Variants in SORCS1 observed in about 807,000 individuals in gnomAD.
The protein encoded by SORCS1 is sortilin related VPS10 domain containing receptor 1, also known as VPS10 domain-containing receptor SorCS1.
In SORCS1, 60 loss-of-function variants were observed where a neutral mutation model predicts 146.1. That is an observed-to-expected ratio of 0.41 (90% confidence interval 0.33 to 0.51). SORCS1 has a LOEUF of 0.51. SORCS1 is among the 20% of genes least tolerant of loss of function. The pLI, the probability that SORCS1 is intolerant of heterozygous loss-of-function variation, is 0.21. For missense variants in SORCS1, 1,352 were observed against 1,487.6 expected, an observed-to-expected ratio of 0.91 and a Z score of 1.50; for synonymous variants, 637 against 584.0, an observed-to-expected ratio of 1.09 and a Z score of -1.31.
intron 4 of SORCS1, among the ~76,000 whole-genome samples, chr10:106,772,228 A>G (rs556552407): frequency 2.6e-5 from 4 of 152,248 alleles, no homozygotes; most frequent in Admixed American, 2.6e-4. Context: ...TTGAGCTGGG[A>G]TATCCATCTG....
chr10:106,583,470 C>T (rs944991932), intron 24 of SORCS1, among the ~76,000 whole-genome samples: 22 of 152,164 alleles, frequency 1.4e-4, no homozygotes, highest in Admixed American at 6.5e-5. Flanking sequence ...ATGCCTCTCC[C>T]CAGGCACTGC....
At position 106,672,841 on chromosome 10, in the gene SORCS1, C is replaced by G. The variant is rs186630690; in HGVS notation, c.2058+27G>C. 4 of 1,590,176 alleles carry G rather than the reference C, an allele frequency of 2.5e-6. No individual in the cohort carries two copies. In the African/African-American group the frequency reaches 5.4e-5, roughly 21 times the overall value. On this transcript the variant is annotated intron_variant, in intron 15 of 25. Coordinates refer to ENST00000263054, the MANE Select transcript of SORCS1 (RefSeq NM_052918.5). The stretch of plus-strand genomic sequence containing the variant: ...ACACCACTCATGCTTCCTGCCCAGG[C>G]CTTAGTCTCAGTTCTTTTCCTCCTA...
intron 24 of SORCS1, among the ~76,000 whole-genome samples, chr10:106,579,907 C>T (rs554900458): frequency 8.0e-4 from 122 of 152,136 alleles, no homozygotes; most frequent in African/African-American, 1.9e-3. Flanking sequence ...TATTAGATTT[C>T]ATTTCTACTG....
At chr10:106,894,126 C>G (rs1589650118) in intron 2 of SORCS1, among the ~76,000 whole-genome samples, 1 of 152,166 alleles carries the variant, frequency 6.6e-6, no homozygotes, top group Non-Finnish European at 1.5e-5. Context: ...TCGTTTTTAT[C>G]TAATAACATT....
At chr10:106,838,716 T>G (rs1446655751) in intron 2 of SORCS1, among the ~76,000 whole-genome samples, 8 of 152,212 alleles carry the variant, frequency 5.3e-5, no homozygotes, top group African/African-American at 1.9e-4. Flanking sequence ...TTTGCAAACA[T>G]TACATTTTTT....
At chr10:107,121,095 C>T (rs139607123) in intron 1 of SORCS1, among the ~76,000 whole-genome samples, 1 of 152,246 alleles carries the variant, frequency 6.6e-6, no homozygotes, top group East Asian at 1.9e-4. Context: ...AAATTTATAA[C>T]ATGCAACTTA....
In SORCS1 at chr10:106,776,672, C is replaced by T. The variant is rs372520148; in HGVS notation, c.747G>A (p.Pro249=). Residue 249 remains proline (P), a synonymous_variant, in exon 4 of 26, where the codon CCG becomes CCA. Coordinates refer to ENST00000263054, the MANE Select transcript of SORCS1 (RefSeq NM_052918.5). ...TGATCAATAAACTGCTCTCAATCTC[C>T]GGGTCTGTGAGTAACATTATCTGCA... ...NKRKIMLLTD[P]EIESSLLISS... 7.5e-5 allele frequency: 121 copies of T among 1,613,324 alleles called. 3 individuals carry two copies. The South Asian group carries it at 1.1e-3, about 15-fold the overall frequency.
chr10:107,143,261 C>A (rs1056575980), intron 1 of SORCS1, among the ~76,000 whole-genome samples: 1 of 152,176 alleles, frequency 6.6e-6, no homozygotes, highest in African/African-American at 2.4e-5. Flanking sequence ...TGCTTTTCTT[C>A]CAAACTAAAA....
chr10:107,140,683 G>T (rs1249794803), intron 1 of SORCS1, among the ~76,000 whole-genome samples: 1 of 152,092 alleles, frequency 6.6e-6, no homozygotes, highest in Non-Finnish European at 1.5e-5. Flanking sequence ...AGTCCCATAA[G>T]AAATTGCTTT....
chr10:106,998,279 T>C (rs1232714464), intron 1 of SORCS1, among the ~76,000 whole-genome samples: 1 of 152,238 alleles, frequency 6.6e-6, no homozygotes, highest in Non-Finnish European at 1.5e-5. Flanking sequence ...CTCATGCCTT[T>C]GCAGTGTCAA....
chr10:106,850,988 G>C (rs1659174944), intron 2 of SORCS1, among the ~76,000 whole-genome samples: 1 of 152,096 alleles, frequency 6.6e-6, no homozygotes, highest in Admixed American at 6.5e-5. Flanking sequence ...TCTCTCACAT[G>C]CAATCCAACA....
intron 5 of SORCS1, among the ~76,000 whole-genome samples, chr10:106,759,900 T>C (rs1023815897): frequency 3.5e-5 from 4 of 113,662 alleles, no homozygotes; most frequent in Admixed American, 1.0e-4. Flanking sequence ...TAATGATATA[T>C]GCATAATAAA....
rs1454009985 is a variant in SORCS1, at chr10:106,620,457, A to C, written c.2767T>G (p.Tyr923Asp). The change falls in exon 20 of 26, where the codon TAC becomes GAC. Residue 923 changes from tyrosine (Y) to aspartate (D), a missense_variant. Around this residue, in one of 3 missense-constraint regions of SORCS1, gnomAD observed 648 missense variants for 793.8 expected, o/e 0.82. Coordinates refer to ENST00000263054, the MANE Select transcript of SORCS1 (RefSeq NM_052918.5). ...GTGTTGTTTCCGTACCACCACACGT[A>C]AGTGAGGGTGCCCACTTGGCTGGGC... ...LWPSQVGTLT[Y>D]VWWYGNNTEP... 6.2e-7 allele frequency: 1 copy of C among 1,613,904 alleles called. No individual in the cohort carries two copies.
chr10:107,043,424 C>T (rs190593419), intron 1 of SORCS1, among the ~76,000 whole-genome samples: 151 of 152,220 alleles, frequency 9.9e-4, no homozygotes, highest in African/African-American at 2.9e-3. Context: ...CCAGATAAAA[C>T]GATGCTCTTT....
chr10:106,585,240 G>A (rs938730700), intron 24 of SORCS1, among the ~76,000 whole-genome samples: 1 of 149,546 alleles, frequency 6.7e-6, no homozygotes, highest in Non-Finnish European at 1.5e-5. Context: ...AAAAAAAAAT[G>A]TATAGTCTTT....
chr10:107,084,455 C>T (rs1963610075), intron 1 of SORCS1, among the ~76,000 whole-genome samples: 1 of 151,764 alleles, frequency 6.6e-6, no homozygotes, highest in Non-Finnish European at 1.5e-5. Context: ...TCTCAGAAGA[C>T]AAATCTCTGT....
chr10:106,786,271 T>C (rs978244494), intron 3 of SORCS1, among the ~76,000 whole-genome samples: 2 of 152,164 alleles, frequency 1.3e-5, no homozygotes, highest in African/African-American at 4.8e-5. Context: ...CTGAGCTGAG[T>C]AGGTAGTCTC....
At chr10:106,747,723 C>G (rs1368619543) in intron 5 of SORCS1, among the ~76,000 whole-genome samples, 2 of 152,046 alleles carry the variant, frequency 1.3e-5, no homozygotes, top group Non-Finnish European at 2.9e-5. Context: ...CATAAGTGCT[C>G]GTGTTCTATA....
chr10:106,581,595 C>A lies in SORCS1; in HGVS notation c.3266-2121G>T, dbSNP rs139693511. Among the ~76,000 whole-genome samples the A allele has an allele frequency of 2.0e-3, 308 of 152,182 alleles. 2 individuals are homozygous for A. The highest frequency in any genetic ancestry group is 6.8e-3 in the African/African-American group (281 of 41,524). ...ATGTATGGATATGTATGTGTGCATG[C>A]AAACACACACACACAGAATACAGAA... On this transcript the variant is annotated intron_variant, in intron 24 of 25. Coordinates refer to ENST00000263054, the MANE Select transcript of SORCS1 (RefSeq NM_052918.5).
Sources: allele counts gnomAD v4.1 joint callset (sites outside exome capture counted in the v4.1 genomes callset), GRCh38; gene constraint gnomAD v4.1.1; regional missense constraint gnomAD v4.1.1; transcripts MANE v1.5; gene names NCBI Gene and HGNC (gene_info 2026-07-23, HGNC 2026-07-21).